Variants in TBCA observed in about 807,000 individuals in gnomAD.
TBCA encodes tubulin folding cofactor A.
TBCA carries 6 observed loss-of-function variants against 15.8 expected under a neutral mutation model. The ratio of observed to expected loss-of-function variants is 0.38; its 90% CI spans 0.21 to 0.75. TBCA has a LOEUF of 0.75. Ranked by LOEUF, TBCA falls within the 30% of genes least tolerant of loss-of-function variation. The pLI is 0.46. For missense variants in TBCA, 90 were observed against 131.2 expected (o/e 0.69, Z 1.53); for synonymous variants, 32 against 42.3 (o/e 0.76, Z 0.94).
intron 1 of TBCA, among the ~76,000 whole-genome samples, chr5:77,716,751 G>A (rs1746406647): frequency 3.9e-5 from 6 of 152,152 alleles, no homozygotes; most frequent in Admixed American, 3.9e-4. Flanking sequence ...GTCTAAATGT[G>A]TTCAATTACA....
chr5:77,745,344 G>T (rs938191613), intron 1 of TBCA, among the ~76,000 whole-genome samples: 1 of 152,140 alleles, frequency 6.6e-6, no homozygotes, highest in Non-Finnish European at 1.5e-5. Context: ...GCAGTACTTT[G>T]TAAATGTATT....
At position 77,693,283 on chromosome 5, in the gene TBCA, C is replaced by A. The variant is rs761328199; in HGVS notation, c.229G>T (p.Asp77Tyr). 2.5e-6 allele frequency: 4 copies of A among 1,613,718 alleles called. No individual in the cohort carries two copies. Among genetic ancestry groups the A allele is most frequent in the East Asian group, 2.2e-5 (1 of 44,860 alleles). ...TTGCTTACTAGTATCCGTTGAAGAT[C>A]CAAATATGCGGCTTCCAACCTGCGC... ...CQRRLEAAYLDLQRILENEKD... is the reference protein window; with the variant it reads ...CQRRLEAAYLYLQRILENEKD... The change falls in exon 3 of 4, where the codon GAT (aspartate) becomes TAT (tyrosine). Residue 77 changes from aspartate to tyrosine, a missense_variant. Physicochemically the swap from Asp to Tyr is radical, Grantham distance 160. Coordinates refer to ENST00000380377, the MANE Select transcript of TBCA (RefSeq NM_004607.3).
chr5:77,713,160 G>C lies in TBCA; in HGVS notation c.54-4813C>G, dbSNP rs533671942. On this transcript the variant is annotated intron_variant, in intron 1 of 3. Transcript: ENST00000380377. ...AATTTTTAAAAATTAGCCAGGCGTGGTGGCATGCCTTTGTAGTTCCAGCTA... is the reference window on the plus strand; with the variant it reads ...AATTTTTAAAAATTAGCCAGGCGTGCTGGCATGCCTTTGTAGTTCCAGCTA... Among the ~76,000 whole-genome samples, 45 of 152,194 alleles carry C rather than the reference G, an allele frequency of 3.0e-4. 1 individual carries two copies. Among genetic ancestry groups the C allele is most frequent in the South Asian group, 1.7e-3 (8 of 4,826 alleles).
chr5:77,720,545 C>A (rs1039526618), intron 1 of TBCA, among the ~76,000 whole-genome samples: 9 of 151,970 alleles, frequency 5.9e-5, no homozygotes, highest in African/African-American at 2.2e-4. Flanking sequence ...GAAACCTTGT[C>A]TCTACTAAAA....
At chr5:77,698,954 A>G (rs1745936321) in intron 2 of TBCA, among the ~76,000 whole-genome samples, 1 of 151,006 alleles carries the variant, frequency 6.6e-6, no homozygotes, top group African/African-American at 2.4e-5. Context: ...AAAAACAAAA[A>G]TCAACTGCAC....
intron 1 of TBCA, among the ~76,000 whole-genome samples, chr5:77,764,521 T>C (rs1043661970): frequency 3.3e-5 from 3 of 92,110 alleles, no homozygotes; most frequent in Non-Finnish European, 6.2e-5. Flanking sequence ...CCATCTTTAT[T>C]TTTAACTCTG....
At chr5:77,737,221 T>A (rs1297763395) in intron 1 of TBCA, among the ~76,000 whole-genome samples, 2 of 152,298 alleles carry the variant, frequency 1.3e-5, no homozygotes, top group East Asian at 3.9e-4. Flanking sequence ...AATGTGATAA[T>A]GTTTGTGGAT....
At chr5:77,714,899 G>C (rs1746364583) in intron 1 of TBCA, among the ~76,000 whole-genome samples, 2 of 152,280 alleles carry the variant, frequency 1.3e-5, no homozygotes, top group South Asian at 2.1e-4. Flanking sequence ...CTATGTGCCA[G>C]GTATGATTTT....
intron 1 of TBCA, among the ~76,000 whole-genome samples, chr5:77,740,854 C>T (rs181796859): frequency 1.7e-4 from 26 of 152,296 alleles, no homozygotes; most frequent in African/African-American, 6.3e-4. Flanking sequence ...TCAAAAACTA[C>T]ATCTGTCTTA....
intron 1 of TBCA, among the ~76,000 whole-genome samples, chr5:77,745,635 C>G (rs565890072): frequency 6.6e-6 from 1 of 152,112 alleles, no homozygotes; most frequent in Non-Finnish European, 1.5e-5. Context: ...GTATAGGGGG[C>G]CAATTTTGGC....
chr5:77,692,233 G>A, intron 3 of TBCA: 2 of 985,066 alleles, frequency 2.0e-6, no homozygotes, highest in South Asian at 9.4e-5. Flanking sequence ...AACAGTAGAG[G>A]AAATAAAGTA....
chr5:77,752,853 C>A (rs12655612), intron 1 of TBCA, among the ~76,000 whole-genome samples: 1 of 150,176 alleles, frequency 6.7e-6, no homozygotes. Flanking sequence ...CCACCGCGCC[C>A]GGCCTCCGGC....
At chr5:77,756,980 G>A (rs956597356) in intron 1 of TBCA, among the ~76,000 whole-genome samples, 3 of 152,188 alleles carry the variant, frequency 2.0e-5, no homozygotes, top group South Asian at 2.1e-4. Flanking sequence ...GCAATAGAGT[G>A]TAAGAAAAGT....
At chr5:77,732,068 G>C (rs1196648914) in intron 1 of TBCA, among the ~76,000 whole-genome samples, 1 of 152,056 alleles carries the variant, frequency 6.6e-6, no homozygotes, top group Non-Finnish European at 1.5e-5. Context: ...AATGGACGGA[G>C]TGAACCAAAA....
Position 77,776,308 on chromosome 5 carries a change from G to T in TBCA, c.-51C>A. 6.4e-7 allele frequency: 1 copy of T among 1,552,820 alleles called. No individual in the cohort carries two copies. The highest frequency in any genetic ancestry group is 1.4e-5 in the African/African-American group (1 of 73,138). On this transcript the variant is annotated 5_prime_UTR_variant, in exon 1 of 4. Transcript: ENST00000380377. ...GGGGCGGAGAGCCGGGGTAACCGTG[G>T]AGGGCGACGCGCAGAGGCTGCGGCT...
intron 3 of TBCA, chr5:77,692,974 C>A: frequency 7.5e-7 from 1 of 1,330,482 alleles, no homozygotes; most frequent in Non-Finnish European, 9.6e-7. Context: ...GTATGAAAAC[C>A]AAATAATCAA....
intron 1 of TBCA, among the ~76,000 whole-genome samples, chr5:77,756,368 TA>T (rs1747477477): frequency 6.6e-6 from 1 of 150,768 alleles, no homozygotes; most frequent in Middle Eastern, 3.7e-3. Context: ...TCACAAGGGG[TA>T]AACCCCCCAG....
chr5:77,703,381 T>C (rs1162690872), intron 2 of TBCA, among the ~76,000 whole-genome samples: 1 of 152,140 alleles, frequency 6.6e-6, no homozygotes, highest in African/African-American at 2.4e-5. Flanking sequence ...GGCAAAACCC[T>C]CTGTACCCAA....
At chr5:77,754,595 C>T (rs188312225) in intron 1 of TBCA, among the ~76,000 whole-genome samples, 20 of 152,218 alleles carry the variant, frequency 1.3e-4, no homozygotes, top group Middle Eastern at 3.4e-3. Context: ...ATTTTTATAT[C>T]CTGTGAATTT....
Sources: gnomAD v4.1 joint callset for allele counts (sites outside exome capture counted in the v4.1 genomes callset) on GRCh38, gnomAD v4.1.1 for gene constraint, MANE v1.5 for transcripts, NCBI Gene and HGNC (gene_info 2026-07-23, HGNC 2026-07-21) for gene names.